Variants in PDE1C observed in about 807,000 individuals in gnomAD.
PDE1C encodes the protein dual specificity calcium/calmodulin-dependent 3',5'-cyclic nucleotide phosphodiesterase 1C.
Under a neutral mutation model 93.1 loss-of-function variants are expected in PDE1C, and 62 were observed. The observed-to-expected ratio is 0.67, with a 90% confidence interval of 0.54 to 0.82. The LOEUF (loss-of-function observed/expected upper bound fraction) is 0.82, where lower values mean the gene tolerates loss of function less well. PDE1C is among the 40% of genes least tolerant of loss of function. The pLI is 0.00. For missense variants in PDE1C, 742 were observed against 884.6 expected, an observed-to-expected ratio of 0.84 and a Z score of 2.04; for synonymous variants, 325 against 310.1, an observed-to-expected ratio of 1.05 and a Z score of -0.50.
At chr7:32,369,898 T>C (rs1319644254) in intron 1 of PDE1C, among the ~76,000 whole-genome samples, 1 of 152,206 alleles carries the variant, frequency 6.6e-6, no homozygotes, top group Non-Finnish European at 1.5e-5. Context: ...GTAAACTAGT[T>C]CAACCATTGT....
rs139394881 is a variant in PDE1C, at chr7:31,819,532, C to T, written c.1583-3378G>A. Among the ~76,000 whole-genome samples, 315 of 152,130 alleles carry T rather than the reference C, an allele frequency of 2.1e-3. 2 individuals are homozygous for T. Among genetic ancestry groups the T allele is most frequent in the African/African-American group, 6.9e-3 (288 of 41,522 alleles). On this transcript the variant is annotated intron_variant, in intron 14 of 17. Transcript: ENST00000396191. ...TGACTAGTAGAAAGCAAGAGATGTG[C>T]GGTTCATTTCTGTTTCCTTTGGCTT...
the PDE1C span, among the ~76,000 whole-genome samples, chr7:31,693,167 A>G: frequency 4.6e-5 from 7 of 152,214 alleles, no homozygotes; most frequent in African/African-American, 9.6e-5. Context: ...ATTTGCCATC[A>G]AGATATTTTA....
intron 1 of PDE1C, among the ~76,000 whole-genome samples, chr7:32,295,393 C>T (rs1441738666): frequency 1.3e-5 from 2 of 152,176 alleles, no homozygotes; most frequent in Non-Finnish European, 2.9e-5. Flanking sequence ...TGCCTTCTGG[C>T]AAATTATTTC....
At chr7:31,984,003 G>A (rs1185368740) in intron 2 of PDE1C, among the ~76,000 whole-genome samples, 2 of 152,104 alleles carry the variant, frequency 1.3e-5, no homozygotes, top group African/African-American at 4.8e-5. Context: ...GAGAAAGGGA[G>A]CAAAAGGGCT....
the PDE1C span, among the ~76,000 whole-genome samples, chr7:31,650,797 A>G: frequency 1.3e-5 from 2 of 152,132 alleles, no homozygotes; most frequent in Non-Finnish European, 2.9e-5. Flanking sequence ...AACAGACTCA[A>G]TTTCTCACAA....
intron 1 of PDE1C, among the ~76,000 whole-genome samples, chr7:32,289,962 T>C (rs1812231203): frequency 6.6e-6 from 1 of 152,216 alleles, no homozygotes; most frequent in South Asian, 2.1e-4. Flanking sequence ...TGTGACCTAA[T>C]ACTCCAGGGC....
At chr7:32,229,704 G>A (rs538644740) in intron 1 of PDE1C, among the ~76,000 whole-genome samples, 6 of 152,318 alleles carry the variant, frequency 3.9e-5, no homozygotes, top group Non-Finnish European at 7.4e-5. Context: ...AAGAATACAG[G>A]CCCAAAGAGG....
chr7:32,389,218 G>C (rs1784706922), intron 1 of PDE1C, among the ~76,000 whole-genome samples: 1 of 148,134 alleles, frequency 6.8e-6, no homozygotes, highest in African/African-American at 2.5e-5. Flanking sequence ...TTGTTTGTTT[G>C]TTTGTTTGTT....
chr7:31,808,079 G>A (rs1286650376), intron 16 of PDE1C, among the ~76,000 whole-genome samples: 1 of 152,030 alleles, frequency 6.6e-6, no homozygotes, highest in African/African-American at 2.4e-5. Flanking sequence ...GCTTAGGGCT[G>A]AAAGCTAAAG....
chr7:31,650,628 A>T, the PDE1C span, among the ~76,000 whole-genome samples: 1 of 152,140 alleles, frequency 6.6e-6, no homozygotes, highest in Non-Finnish European at 1.5e-5. Flanking sequence ...GATCCTGCAG[A>T]TTCCAACCTC....
At position 32,198,569 on chromosome 7, in the gene PDE1C, C is replaced by T. The variant is rs577233701; in HGVS notation, c.136+10920G>A. Reference sequence around the variant, plus strand: ...ACCAACCCTTGGGTTTGAGCATTATCACTGTGGTCCAAGATGGCAGCTAGA... The same window carrying T: ...ACCAACCCTTGGGTTTGAGCATTATTACTGTGGTCCAAGATGGCAGCTAGA... On this transcript the variant is annotated intron_variant, in intron 2 of 18. Transcript: ENST00000396193. Among the ~76,000 whole-genome samples, 222 of 152,268 alleles carry T rather than the reference C, an allele frequency of 1.5e-3. 8 individuals carry two copies. In the South Asian group the frequency reaches 0.043, roughly 29 times the overall value.
At chr7:32,345,370 T>TC (rs1783832131) in intron 1 of PDE1C, among the ~76,000 whole-genome samples, 1 of 152,156 alleles carries the variant, frequency 6.6e-6, no homozygotes, top group Non-Finnish European at 1.5e-5. Flanking sequence ...AGACACCCAT[T>TC]CCCCAGTATC....
upstream of PDE1C, among the ~76,000 whole-genome samples, chr7:32,074,674 A>G (rs1796253510): frequency 6.6e-6 from 1 of 152,174 alleles, no homozygotes; most frequent in Non-Finnish European, 1.5e-5. Context: ...CTGTGGGGAA[A>G]TTAGGAAGGC....
At chr7:32,298,915 T>A (rs1812801135) in exon 1 of PDE1C, 1 of 1,353,516 alleles carries the variant, frequency 7.4e-7, no homozygotes, top group African/African-American at 1.6e-5. Flanking sequence ...GGGGACCCAA[T>A]GTCAACAGCT....
At chr7:31,670,973 G>A in the PDE1C span, among the ~76,000 whole-genome samples, 4 of 152,150 alleles carry the variant, frequency 2.6e-5, no homozygotes, top group Middle Eastern at 3.4e-3. Context: ...GTCTGGCTGG[G>A]TACAGCCAGA....
At chr7:32,320,947 G>A (rs747960401) in intron 1 of PDE1C, among the ~76,000 whole-genome samples, 1 of 152,134 alleles carries the variant, frequency 6.6e-6, no homozygotes, top group Non-Finnish European at 1.5e-5. Context: ...AAAATAAAAT[G>A]TGCATCACAG....
Position 31,794,057 on chromosome 7 carries a change from C to T in PDE1C, c.1891+14974G>A, listed in dbSNP as rs538054367. Among the ~76,000 whole-genome samples the T allele has an allele frequency of 2.2e-4, 31 of 139,412 alleles. 1 individual carries two copies. The highest frequency in any genetic ancestry group is 5.6e-4 in the African/African-American group (20 of 35,794). 91.5% of individuals were successfully genotyped at this position (139,412 alleles called of 152,430 possible). A position where few individuals can be genotyped will look rare whatever the true frequency, so the allele number is the denominator to read the frequency against. On this transcript the variant is annotated intron_variant, in intron 16 of 17. Coordinates refer to ENST00000396191, the MANE Select transcript of PDE1C (RefSeq NM_001191057.4). ...ATAGATAGATAGACAGACAGACAGA[C>T]AGACAGACAGACAGACAGACAGACA...
intron 1 of PDE1C, among the ~76,000 whole-genome samples, chr7:32,056,562 C>T (rs887956441): frequency 5.9e-5 from 9 of 152,140 alleles, no homozygotes; most frequent in African/African-American, 1.4e-4. Flanking sequence ...CCACTGGTTT[C>T]CTCATCTGTA....
chr7:32,370,091 T>A (rs1019067719), intron 1 of PDE1C, among the ~76,000 whole-genome samples: 10 of 152,156 alleles, frequency 6.6e-5, no homozygotes, highest in African/African-American at 1.9e-4. Flanking sequence ...CAAATGTCCA[T>A]CAATGATAGA....
Sources: gnomAD v4.1 joint callset for allele counts (sites outside exome capture counted in the v4.1 genomes callset) on GRCh38, gnomAD v4.1.1 for gene constraint, MANE v1.5 for transcripts, NCBI Gene and HGNC (gene_info 2026-07-23, HGNC 2026-07-21) for gene names.